RUNX1: variants seen among roughly 807,000 people sequenced by gnomAD.
RUNX1 encodes the protein RUNX family transcription factor 1, also known as runt-related transcription factor 1.
A neutral mutation model predicts 42.8 loss-of-function variants in RUNX1; 19 were observed. That is an observed-to-expected ratio of 0.44 (90% CI 0.31 to 0.65). The LOEUF is 0.65. Among genes scored for constraint, RUNX1 ranks in the 30% least tolerant of loss-of-function variants. The pLI is 0.07. For missense variants in RUNX1, 528 were observed against 672.0 expected (o/e 0.79, Z 2.37); for synonymous variants, 271 against 289.4 (o/e 0.94, Z 0.64).
chr21:34,844,501 T>C (rs937268704), intron 6 of RUNX1, among the ~76,000 whole-genome samples: 1 of 152,192 alleles, frequency 6.6e-6, no homozygotes, highest in African/African-American at 2.4e-5. Flanking sequence ...GCAGAGACAC[T>C]GAGCATGTTT....
chr21:34,893,794 C>T (rs1456743937), intron 2 of RUNX1, among the ~76,000 whole-genome samples: 8 of 144,032 alleles, frequency 5.6e-5, no homozygotes, highest in Non-Finnish European at 7.6e-5. Context: ...AAAAAAAAAC[C>T]TTTAAAATAA....
intron 2 of RUNX1, chr21:35,038,601 C>CTGTGTGTGTGTG (rs1210791673): frequency 5.9e-6 from 2 of 336,822 alleles, no homozygotes; most frequent in Non-Finnish European, 1.2e-5. Flanking sequence ...CTCTCTCTCT[C>CTGTGTGTGTGTG]TCTCTCTCTC....
At chr21:35,020,884 G>A (rs1601681151) in intron 2 of RUNX1, among the ~76,000 whole-genome samples, 1 of 152,134 alleles carries the variant, frequency 6.6e-6, no homozygotes, top group African/African-American at 2.4e-5. Context: ...CTTATGGAAC[G>A]TTCTGACCTA....
At chr21:34,859,282 A>G in intron 6 of RUNX1, 192 bp downstream of exon 6, 2 of 618,510 alleles carry the variant, frequency 3.2e-6, no homozygotes, top group Non-Finnish European at 5.9e-6. Context: ...TGCTTCAAAA[A>G]GAGCTCAGTG....
At chr21:35,025,428 G>A (rs895152366) in intron 2 of RUNX1, among the ~76,000 whole-genome samples, 35 of 152,058 alleles carry the variant, frequency 2.3e-4, no homozygotes, top group East Asian at 9.6e-4. Flanking sequence ...CAGACGTTCC[G>A]ATGCCCTGCA....
At chr21:34,886,527 A>G (rs2057990124) in intron 4 of RUNX1, among the ~76,000 whole-genome samples, 1 of 152,270 alleles carries the variant, frequency 6.6e-6, no homozygotes, top group Non-Finnish European at 1.5e-5. Flanking sequence ...GGGCTGGGTT[A>G]TAACTTTTCC....
chr21:35,013,402 T>C (rs552438837), intron 2 of RUNX1, among the ~76,000 whole-genome samples: 16 of 152,340 alleles, frequency 1.1e-4, no homozygotes, highest in African/African-American at 3.6e-4. Context: ...GTTTATTCAT[T>C]ATTTGCTTTT....
chr21:34,815,741 C>T (rs937913649), intron 7 of RUNX1, among the ~76,000 whole-genome samples: 2 of 152,110 alleles, frequency 1.3e-5, no homozygotes, highest in Non-Finnish European at 2.9e-5. Flanking sequence ...TGCACTCTTA[C>T]TCTGGGGCCG....
chr21:35,009,058 T>A (rs558118432), intron 2 of RUNX1, among the ~76,000 whole-genome samples: 29 of 152,320 alleles, frequency 1.9e-4, no homozygotes, highest in African/African-American at 6.5e-4. Context: ...CTGTTGGCCC[T>A]GAAGAATTTA....
At chr21:35,047,549 A>C (rs540236675) in intron 2 of RUNX1, among the ~76,000 whole-genome samples, 1 of 107,686 alleles carries the variant, frequency 9.3e-6, no homozygotes, top group Non-Finnish European at 1.9e-5. Context: ...ACACACACAC[A>C]CACACACACA....
At chr21:34,951,145 C>T (rs1270528886) in intron 2 of RUNX1, among the ~76,000 whole-genome samples, 1 of 152,194 alleles carries the variant, frequency 6.6e-6, no homozygotes, top group East Asian at 1.9e-4. Context: ...CACTTATCTG[C>T]CCAAGGGATA....
chr21:34,939,330 G>A (rs1310632229), intron 2 of RUNX1, among the ~76,000 whole-genome samples: 1 of 152,172 alleles, frequency 6.6e-6, no homozygotes, highest in Non-Finnish European at 1.5e-5. Context: ...AGCAGAAATG[G>A]TCATGTCTGC....
intron 5 of RUNX1, 148 bp downstream of exon 5, chr21:34,880,405 CAAAT>C: frequency 1.4e-6 from 1 of 724,376 alleles, no homozygotes; most frequent in East Asian, 2.7e-5. Context: ...TATTAAACTT[CAAAT>C]AAATATTTTT....
At chr21:34,799,163 T>A in intron 8 of RUNX1, 138 bp downstream of exon 8, 1 of 890,860 alleles carries the variant, frequency 1.1e-6, no homozygotes, top group Non-Finnish European at 1.8e-6. Context: ...TGCATGGGCA[T>A]GGGACTCAGA....
chr21:34,995,829 T>C (rs1015725933), intron 2 of RUNX1, among the ~76,000 whole-genome samples: 1 of 152,222 alleles, frequency 6.6e-6, no homozygotes, highest in Admixed American at 6.5e-5. Context: ...AAAGGCTATT[T>C]AGGAACTAAT....
rs950763237 is a variant in RUNX1 at position 34,843,254 on chromosome 21, TACAC to T, written c.614-8657_614-8654del. 6.6e-6 allele frequency among the ~76,000 whole-genome samples: 1 copy of T among 151,384 alleles called. No individual in the cohort carries two copies. Among genetic ancestry groups the T allele is most frequent in the African/African-American group, 2.4e-5 (1 of 41,112 alleles). On this transcript the variant is annotated intron_variant, in intron 6 of 8. Coordinates refer to ENST00000675419, the MANE Select transcript of RUNX1 (RefSeq NM_001754.5). The surrounding 1 kb of genome is among the most constrained non-coding windows in gnomAD (Gnocchi z 4.8). ...ACACATGGGGATACACACATATAAA[TACAC>T]ACAGACACATGTACATACGTCACAC...
chr21:34,971,127 T>C (rs1406913900), intron 2 of RUNX1, among the ~76,000 whole-genome samples: 2 of 152,230 alleles, frequency 1.3e-5, no homozygotes, highest in East Asian at 3.8e-4. Flanking sequence ...GGATTATGTA[T>C]ACTATGCTGT....
chr21:34,860,936 A>G (rs765014876), intron 5 of RUNX1, among the ~76,000 whole-genome samples: 1 of 152,338 alleles, frequency 6.6e-6, no homozygotes, highest in Non-Finnish European at 1.5e-5. Flanking sequence ...TCTATAATAA[A>G]AAGAGCAATA....
intron 3 of RUNX1, among the ~76,000 whole-genome samples, chr21:34,892,490 C>CA (rs1228322955): frequency 6.6e-6 from 1 of 152,118 alleles, no homozygotes; most frequent in Non-Finnish European, 1.5e-5. Context: ...TTGTGTACCT[C>CA]ACAAGTAGCA....
Sources: allele counts gnomAD v4.1 joint callset (sites outside exome capture counted in the v4.1 genomes callset), GRCh38; gene constraint gnomAD v4.1.1; non-coding constraint Gnocchi (gnomAD v3.1); transcripts MANE v1.5; gene names NCBI Gene and HGNC (gene_info 2026-07-23, HGNC 2026-07-21).